P2RX3: variants seen among roughly 807,000 people sequenced by gnomAD.
P2RX3 encodes the protein P2X purinoceptor 3.
In P2RX3, 41 loss-of-function variants were observed where a neutral mutation model predicts 51.5. The ratio of observed to expected loss-of-function variants is 0.80; its 90% CI spans 0.62 to 1.03. The LOEUF (loss-of-function observed/expected upper bound fraction) is 1.03. P2RX3 is among the 50% of genes least tolerant of loss of function. The probability of loss-of-function intolerance (pLI) is 0.00; values close to 1 mark genes in which losing one functional copy is unlikely to be tolerated. For missense variants in P2RX3, 459 were observed against 522.1 expected (o/e 0.88, Z 1.18); for synonymous variants, 185 against 191.6 (o/e 0.97, Z 0.29).
At chr11:57,340,974 T>G (rs1856328885) in intron 1 of P2RX3, among the ~76,000 whole-genome samples, 1 of 152,186 alleles carries the variant, frequency 6.6e-6, no homozygotes, top group Non-Finnish European at 1.5e-5. Context: ...GAGGGTGGTG[T>G]ACGGTGGATG....
In P2RX3 at chr11:57,361,453, C is replaced by G. The variant is rs146199810; in HGVS notation, c.843-6556C>G. Reference sequence around the variant, plus strand: ...TCCTGATGCTCTCCTTCCCCCTGCACCCCCAACAGGCACCAGTGTGTGTTG... The same window carrying G: ...TCCTGATGCTCTCCTTCCCCCTGCAGCCCCAACAGGCACCAGTGTGTGTTG... On this transcript the variant is annotated intron_variant, in intron 8 of 11. Transcript: ENST00000263314. Among the ~76,000 whole-genome samples the G allele has an allele frequency of 2.6e-5, 4 of 152,294 alleles. No individual in the cohort carries two copies. In the East Asian group the frequency reaches 7.7e-4, roughly 29 times the overall value.
chr11:57,364,601 T>C (rs950141132), intron 8 of P2RX3, among the ~76,000 whole-genome samples: 2 of 152,220 alleles, frequency 1.3e-5, no homozygotes, highest in Admixed American at 1.3e-4. Context: ...TGCAGACTTC[T>C]TTAAAATATC....
At chr11:57,367,897 G>A (rs1473978688) in intron 8 of P2RX3, 112 bp from the exon 9 acceptor site, 14 of 779,352 alleles carry the variant, frequency 1.8e-5, no homozygotes, top group African/African-American at 3.4e-5. Flanking sequence ...TCAGCAAACC[G>A]TAAGTAAGGG....
chr11:57,351,475 T>C (rs760510057), intron 8 of P2RX3, among the ~76,000 whole-genome samples: 3 of 152,112 alleles, frequency 2.0e-5, no homozygotes, highest in Non-Finnish European at 4.4e-5. Flanking sequence ...ACTTCAGGGA[T>C]CTTTTCGGGT....
intron 10 of P2RX3, among the ~76,000 whole-genome samples, chr11:57,368,700 G>A (rs541184053): frequency 3.7e-4 from 57 of 152,284 alleles, no homozygotes; most frequent in Non-Finnish European, 7.4e-4. Flanking sequence ...TAGAGTTCCC[G>A]TTTCTCACCG....
Position 57,350,849 on chromosome 11 carries a change from C to T in P2RX3, c.793C>T (p.Leu265Phe). The T allele has an allele frequency of 1.1e-5, 17 of 1,614,154 alleles. No homozygotes were observed. The highest frequency in any genetic ancestry group is 1.4e-5 in the Non-Finnish European group (16 of 1,180,022). ...CATCCCCAAATACTCCTTCACCCGG[C>T]TCGACAGCGTTTCTGAGAAAAGCAG... ...QCIPKYSFTR[L>F]DSVSEKSSVS... Residue 265 changes from leucine to phenylalanine, a missense_variant, in exon 8 of 12, where the codon CTC becomes TTC. Transcript: ENST00000263314.
intron 7 of P2RX3, 83 bp from the exon 8 acceptor site, chr11:57,350,679 C>G (rs1057206470): frequency 2.6e-6 from 4 of 1,553,684 alleles, no homozygotes; most frequent in Non-Finnish European, 3.5e-6. Flanking sequence ...TCATTTGTCA[C>G]CACCTCCACC....
At chr11:57,350,085 G>GC (rs1173094299) in intron 7 of P2RX3, among the ~76,000 whole-genome samples, 187 bp downstream of exon 7, 1 of 151,894 alleles carries the variant, frequency 6.6e-6, no homozygotes, top group Admixed American at 6.6e-5. Context: ...GAGCGATCTT[G>GC]CCCCCCGCCT....
At chr11:57,368,242 A>G (rs1856827132) in intron 9 of P2RX3, 130 bp from the exon 10 acceptor site, 1 of 1,314,374 alleles carries the variant, frequency 7.6e-7, no homozygotes, top group African/African-American at 1.5e-5. Context: ...TCTCCCATCA[A>G]TTCACCTGTC....
At chr11:57,360,812 A>G (rs1856705535) in intron 8 of P2RX3, among the ~76,000 whole-genome samples, 1 of 142,640 alleles carries the variant, frequency 7.0e-6, no homozygotes, top group African/African-American at 2.5e-5. Flanking sequence ...AAAAAGAAAA[A>G]AAGAAAGAAA....
intron 1 of P2RX3, among the ~76,000 whole-genome samples, chr11:57,341,969 C>T (rs945378855): frequency 1.3e-5 from 2 of 152,008 alleles, no homozygotes; most frequent in African/African-American, 4.8e-5. Context: ...ATACATAAAG[C>T]AGGTGAAAGG....
At chr11:57,360,634 A>C (rs574079334) in intron 8 of P2RX3, among the ~76,000 whole-genome samples, 2 of 151,900 alleles carry the variant, frequency 1.3e-5, no homozygotes, top group East Asian at 3.9e-4. Context: ...CTACTAAAAA[A>C]AATACAAAAA....
intron 6 of P2RX3, among the ~76,000 whole-genome samples, chr11:57,349,536 A>T (rs1178668737): frequency 6.6e-6 from 1 of 151,810 alleles, no homozygotes; most frequent in African/African-American, 2.4e-5. Context: ...TGGCAGCTGG[A>T]GATTAGTCAC....
chr11:57,370,043 C>A lies in P2RX3; in HGVS notation c.*46C>A. The A allele has an allele frequency of 2.2e-6, 3 of 1,360,022 alleles. No individual in the cohort carries two copies. The highest frequency in any genetic ancestry group is 1.2e-5 in the South Asian group (1 of 83,056). 84.2% of individuals were successfully genotyped at this position (1,360,022 alleles called of 1,614,324 possible). A position where few individuals can be genotyped will look rare whatever the true frequency, so the allele number is the denominator to read the frequency against. On this transcript the variant is annotated 3_prime_UTR_variant, in exon 12 of 12. Coordinates refer to ENST00000263314, the MANE Select transcript of P2RX3 (RefSeq NM_002559.5). ...CACTCACAAAGGCTCCAGGCCTCCCCACAGAGGACCCTGCCTGAGCAAGGG... is the reference window on the plus strand; with the variant it reads ...CACTCACAAAGGCTCCAGGCCTCCCAACAGAGGACCCTGCCTGAGCAAGGG...
At chr11:57,344,855 T>C (rs1181229314) in intron 1 of P2RX3, among the ~76,000 whole-genome samples, 1 of 152,092 alleles carries the variant, frequency 6.6e-6, no homozygotes, top group Non-Finnish European at 1.5e-5. Context: ...CCGCTGGGGT[T>C]TGCAGTAAAT....
chr11:57,343,777 G>T (rs1191835245), intron 1 of P2RX3, among the ~76,000 whole-genome samples: 1 of 152,066 alleles, frequency 6.6e-6, no homozygotes, highest in Admixed American at 6.5e-5. Flanking sequence ...GTTCCAGAAG[G>T]GTGTGTTTAG....
At chr11:57,365,514 C>G (rs1005122932) in intron 8 of P2RX3, among the ~76,000 whole-genome samples, 1 of 152,208 alleles carries the variant, frequency 6.6e-6, no homozygotes, top group Non-Finnish European at 1.5e-5. Flanking sequence ...AGATCAGGCT[C>G]TCAGGGCCCA....
chr11:57,371,310 G>T lies in P2RX3; in HGVS notation c.*1313G>T, dbSNP rs1856882326. Among the ~76,000 whole-genome samples the T allele has an allele frequency of 6.6e-6, 1 of 152,220 alleles. No individual in the cohort carries two copies. The highest frequency in any genetic ancestry group is 2.1e-4 in the South Asian group (1 of 4,832). ...GAATCCTAAGCATATACAATTTGGG[G>T]GCATCTCTTTAGAAAGAATACAAAA... On this transcript the variant is annotated 3_prime_UTR_variant, in exon 12 of 12. Transcript: ENST00000263314.
chr11:57,349,674 T>C, intron 6 of P2RX3, 83 bp from the exon 7 acceptor site: 3 of 1,565,836 alleles, frequency 1.9e-6, no homozygotes, highest in Non-Finnish European at 2.6e-6. Flanking sequence ...CCCCTAGGCC[T>C]GGGCTCCGGA....
Sources: gnomAD v4.1 joint callset for allele counts (sites outside exome capture counted in the v4.1 genomes callset) on GRCh38, gnomAD v4.1.1 for gene constraint, MANE v1.5 for transcripts, NCBI Gene and HGNC (gene_info 2026-07-23, HGNC 2026-07-21) for gene names.